Variants in RAD21L1 observed in about 807,000 individuals in gnomAD.
RAD21L1 encodes the protein double-strand-break repair protein rad21-like protein 1.
A neutral mutation model predicts 69.0 loss-of-function variants in RAD21L1; 47 were observed. The ratio of observed to expected loss-of-function variants is 0.68; its 90% CI spans 0.54 to 0.87. RAD21L1 has a LOEUF of 0.87. Ranked by LOEUF, RAD21L1 falls within the 40% of genes least tolerant of loss-of-function variation. The pLI, the probability that RAD21L1 is intolerant of heterozygous loss-of-function variation, is 0.00. For missense variants in RAD21L1, 583 were observed against 647.6 expected (o/e 0.90, Z 1.08); for synonymous variants, 177 against 205.8 (o/e 0.86, Z 1.20).
Position 1,242,624 on chromosome 20 carries a change from G to A in RAD21L1, c.862G>A (p.Ala288Thr), listed in dbSNP as rs1415473720. 3.2e-6 allele frequency: 5 copies of A among 1,547,928 alleles called. No individual in the cohort carries two copies. In the South Asian group the frequency reaches 6.0e-5, roughly 18 times the overall value. The change falls in exon 9 of 14, where the codon GCT becomes ACT. Residue 288 changes from alanine to threonine, a missense_variant. Transcript: ENST00000683101. ...GTGCTATTTCTTATATTTAGACATT[G>A]CTGAGAAAAGGAAAGGCAAAAAGAG... ...TLDPIDISDI[A>T]EKRKGKKRRL...
At chr20:1,230,648 A>G in intron 3 of RAD21L1, 1 of 337,832 alleles carries the variant, frequency 3.0e-6, no homozygotes, top group Non-Finnish European at 4.2e-6. Flanking sequence ...CTCTTATAAT[A>G]TCTGTCTCAG....
chr20:1,255,550 G>A lies in RAD21L1; in HGVS notation c.*1093G>A, dbSNP rs1365343942. ...AATGTGTTAACTATAAATTTTAAAT[G>A]GCAAAATTGCCTTTTTAAAATTTCT... On this transcript the variant is annotated 3_prime_UTR_variant, in exon 14 of 14. Coordinates refer to ENST00000683101, the MANE Select transcript of RAD21L1 (RefSeq NM_001384355.1). Among the ~76,000 whole-genome samples, 1 of 151,998 alleles carries A rather than the reference G, an allele frequency of 6.6e-6. No homozygotes were observed. The highest frequency in any genetic ancestry group is 1.5e-5 in the Non-Finnish European group (1 of 67,980).
intron 5 of RAD21L1, among the ~76,000 whole-genome samples, 194 bp downstream of exon 5, chr20:1,234,385 T>C (rs1326493013): frequency 6.6e-6 from 1 of 152,208 alleles, no homozygotes; most frequent in African/African-American, 2.4e-5. Flanking sequence ...ATACTTCTAT[T>C]CTCAGTGTAT....
chr20:1,254,396 G>T lies in RAD21L1; in HGVS notation c.1607G>T (p.Ser536Ile), dbSNP rs117961856. Residue 536 changes from serine to isoleucine, a missense_variant, in exon 14 of 14, where the codon AGC becomes ATC. Transcript: ENST00000683101. ...VLKKQLAIEL[S>I]QSAPYADIIA... The stretch of plus-strand genomic sequence containing the variant: ...AAGAAACAGCTGGCTATTGAGCTGA[G>T]CCAGAGTGCTCCCTATGCAGATATT... 6.4e-7 allele frequency: 1 copy of T among 1,551,216 alleles called. No individual in the cohort carries two copies.
rs192283807 is a variant in RAD21L1, at chr20:1,233,348, T to G, written c.369-737T>G. On this transcript the variant is annotated intron_variant, in intron 4 of 13. Transcript: ENST00000683101. The stretch of plus-strand genomic sequence containing the variant: ...TAAAGAGAGAGAGGGATCTGAGGAC[T>G]TAGTATTTGGTCATTCCCAGTAGTT... 1.3e-4 allele frequency among the ~76,000 whole-genome samples: 20 copies of G among 152,232 alleles called. No individual in the cohort carries two copies. In the East Asian group the frequency reaches 3.5e-3, roughly 26 times the overall value.
intron 4 of RAD21L1, among the ~76,000 whole-genome samples, chr20:1,233,172 G>A (rs2087426435): frequency 6.6e-6 from 1 of 152,144 alleles, no homozygotes; most frequent in Non-Finnish European, 1.5e-5. Flanking sequence ...AATATCGAAG[G>A]GAGTAGGTAA....
At chr20:1,226,661 C>T (rs1041965212) in intron 1 of RAD21L1, among the ~76,000 whole-genome samples, 2 of 152,002 alleles carry the variant, frequency 1.3e-5, no homozygotes, top group Admixed American at 6.5e-5. Context: ...CTTTGCGGGC[C>T]GGTTTCCACG....
chr20:1,250,647 A>T (rs2087810014), intron 13 of RAD21L1, among the ~76,000 whole-genome samples: 1 of 152,218 alleles, frequency 6.6e-6, no homozygotes, highest in Non-Finnish European at 1.5e-5. Flanking sequence ...TGCTATTGTG[A>T]ATAGTGCCAC....
intron 5 of RAD21L1, among the ~76,000 whole-genome samples, chr20:1,235,437 T>A (rs1408590497): frequency 6.6e-6 from 1 of 152,184 alleles, no homozygotes; most frequent in East Asian, 1.9e-4. Flanking sequence ...TATTTTACTG[T>A]GTAAAATACA....
intron 5 of RAD21L1, among the ~76,000 whole-genome samples, chr20:1,234,498 G>A (rs556793236): frequency 2.3e-4 from 35 of 152,272 alleles, no homozygotes; most frequent in Non-Finnish European, 4.7e-4. Flanking sequence ...TTCTGGGTGT[G>A]AGAGAGACAC....
At chr20:1,231,973 C>T (rs1265326311) in intron 4 of RAD21L1, among the ~76,000 whole-genome samples, 1 of 151,774 alleles carries the variant, frequency 6.6e-6, no homozygotes, top group East Asian at 1.9e-4. Context: ...AATAAATAAA[C>T]GAATAAATAT....
At position 1,248,611 on chromosome 20, in the gene RAD21L1, C is replaced by A; in HGVS notation, c.1402-15C>A. ...AATTTGCTTAAATTAAATATTTTAT[C>A]TATCATTCAAACAGGAGTCATTGAG... On this transcript the variant is annotated splice_polypyrimidine_tract_variant and intron_variant, in intron 12 of 13. Transcript: ENST00000683101. The A allele has an allele frequency of 6.9e-7, 1 of 1,449,446 alleles. No homozygotes were observed. The highest frequency in any genetic ancestry group is 9.4e-7 in the Non-Finnish European group (1 of 1,066,950). The allele number at this position is 1,449,446 out of a possible 1,614,324, so 89.8% of individuals were successfully genotyped here. A position where few individuals can be genotyped will look rare whatever the true frequency, so the allele number is the denominator to read the frequency against.
intron 13 of RAD21L1, 80 bp downstream of exon 13, chr20:1,248,783 GA>G (rs2087768947): frequency 3.8e-6 from 3 of 787,312 alleles, no homozygotes; most frequent in Non-Finnish European, 5.9e-6. Context: ...ATATATTAAT[GA>G]AAACGCAATA....
At chr20:1,231,389 T>C in intron 3 of RAD21L1, 137 bp from the exon 4 acceptor site, 1 of 624,742 alleles carries the variant, frequency 1.6e-6, no homozygotes, top group Non-Finnish European at 2.9e-6. Context: ...GAGAATGGAC[T>C]ACACAAGGGT....
At chr20:1,237,954 C>T (rs1568519681) in intron 5 of RAD21L1, 90 bp from the exon 6 acceptor site, 2 of 636,310 alleles carry the variant, frequency 3.1e-6, no homozygotes, top group Non-Finnish European at 4.9e-6. Flanking sequence ...TGTTGGATGA[C>T]AAGATTATGC....
At chr20:1,243,291 A>G in intron 10 of RAD21L1, 95 bp downstream of exon 10, 1 of 608,702 alleles carries the variant, frequency 1.6e-6, no homozygotes, top group Non-Finnish European at 2.9e-6. Context: ...ATCCAATTCC[A>G]TATTCTCAAG....
At chr20:1,241,773 G>T (rs552200039) in intron 8 of RAD21L1, among the ~76,000 whole-genome samples, 1 of 152,290 alleles carries the variant, frequency 6.6e-6, no homozygotes, top group Admixed American at 6.5e-5. Context: ...ACATCAGCCA[G>T]CAAGCAGGTT....
chr20:1,230,877 A>G (rs898797730), intron 3 of RAD21L1: 4 of 221,808 alleles, frequency 1.8e-5, no homozygotes, highest in Non-Finnish European at 2.3e-5. Flanking sequence ...CTGGGATATA[A>G]AGACAAACAA....
Position 1,242,836 on chromosome 20 carries a change from A to G in RAD21L1, c.1074A>G (p.Glu358=). The stretch of plus-strand genomic sequence containing the variant: ...CTGCCCAGGATTTGATTCATGCTGA[A>G]CTGAAAATGGTAACGGTTCCTACCC... The part of the protein sequence containing the change: ...STAAQDLIHA[E]LKMLFTKCFL... The change falls in exon 9 of 14, where the codon GAA becomes GAG. Residue 358 remains glutamate, a synonymous_variant. Coordinates refer to ENST00000683101, the MANE Select transcript of RAD21L1 (RefSeq NM_001384355.1). 1.3e-6 allele frequency: 2 copies of G among 1,549,940 alleles called. No individual in the cohort carries two copies. The highest frequency in any genetic ancestry group is 1.7e-6 in the Non-Finnish European group (2 of 1,145,392).
Sources: allele counts gnomAD v4.1 joint callset (sites outside exome capture counted in the v4.1 genomes callset), GRCh38; gene constraint gnomAD v4.1.1; transcripts MANE v1.5; gene names NCBI Gene and HGNC (gene_info 2026-07-23, HGNC 2026-07-21).